Variants in CNTNAP5 observed in about 807,000 individuals in gnomAD.
CNTNAP5 encodes contactin associated protein family member 5, also known as contactin-associated protein-like 5.
In CNTNAP5, 72 loss-of-function variants were observed where a neutral mutation model predicts 150.2. The observed-to-expected ratio is 0.48, with a 90% CI of 0.40 to 0.58. The LOEUF (loss-of-function observed/expected upper bound fraction) is 0.58. Among genes scored for constraint, CNTNAP5 ranks in the 20% least tolerant of loss-of-function variants. The pLI is 0.00. For synonymous variants in CNTNAP5, 672 were observed against 619.8 expected (o/e 1.08, Z -1.25); for missense variants, 1,636 against 1,626.2 (o/e 1.01, Z -0.10).
In CNTNAP5 at chr2:124,263,971, T is replaced by C. The variant is rs543662928; in HGVS notation, c.381+21578T>C. Among the ~76,000 whole-genome samples, 8 of 152,322 alleles carry C rather than the reference T, an allele frequency of 5.3e-5. No individual in the cohort carries two copies. In the South Asian group the frequency reaches 1.4e-3, roughly 28 times the overall value. On this transcript the variant is annotated intron_variant, in intron 3 of 23. Transcript: ENST00000682447. Reference sequence around the variant, plus strand: ...TCTGATGGTTGTAGATGTGTGGTATTATTTCTGAGGGTTCTGTTCTGTTCC... The same window carrying C: ...TCTGATGGTTGTAGATGTGTGGTATCATTTCTGAGGGTTCTGTTCTGTTCC...
intron 13 of CNTNAP5, among the ~76,000 whole-genome samples, chr2:124,722,751 T>C (rs984664410): frequency 3.3e-5 from 5 of 152,188 alleles, no homozygotes; most frequent in African/African-American, 1.2e-4. Flanking sequence ...GCCTGTGTCC[T>C]CCAGGACAGT....
chr2:124,799,404 A>G (rs1681917922), intron 19 of CNTNAP5, among the ~76,000 whole-genome samples: 1 of 152,234 alleles, frequency 6.6e-6, no homozygotes, highest in South Asian at 2.1e-4. Flanking sequence ...ATTAGATCAA[A>G]AACTTATGGG....
At chr2:124,904,208 A>G (rs1053582203) in intron 22 of CNTNAP5, among the ~76,000 whole-genome samples, 1 of 152,042 alleles carries the variant, frequency 6.6e-6, no homozygotes, top group Non-Finnish European at 1.5e-5. Flanking sequence ...TAGATTCCAC[A>G]TATAAGTTAT....
At chr2:124,426,446 T>C (rs1409791384) in intron 4 of CNTNAP5, among the ~76,000 whole-genome samples, 1 of 152,176 alleles carries the variant, frequency 6.6e-6, no homozygotes, top group Non-Finnish European at 1.5e-5. Flanking sequence ...TGCAAGAGTA[T>C]GGTCTGAATA....
intron 13 of CNTNAP5, among the ~76,000 whole-genome samples, chr2:124,718,428 C>T (rs1679987190): frequency 1.3e-5 from 2 of 152,094 alleles, no homozygotes. Flanking sequence ...TTTATTTTTC[C>T]TATTTCTCTT....
chr2:124,292,501 T>G (rs1275648390), intron 3 of CNTNAP5, among the ~76,000 whole-genome samples: 1 of 152,174 alleles, frequency 6.6e-6, no homozygotes. Flanking sequence ...AAGAATATTT[T>G]GATAGAGCTC....
At chr2:124,686,489 G>T (rs1459342521) in intron 13 of CNTNAP5, among the ~76,000 whole-genome samples, 2 of 152,078 alleles carry the variant, frequency 1.3e-5, no homozygotes, top group Non-Finnish European at 2.9e-5. Context: ...ACCTATAGAA[G>T]AAAAGGACCT....
intron 6 of CNTNAP5, among the ~76,000 whole-genome samples, chr2:124,470,005 T>G (rs936312721): frequency 1.3e-5 from 2 of 152,204 alleles, no homozygotes; most frequent in Non-Finnish European, 2.9e-5. Flanking sequence ...TTCCATGTGT[T>G]TGCTATTGTG....
At chr2:124,471,490 T>A (rs1693514083) in intron 6 of CNTNAP5, among the ~76,000 whole-genome samples, 5 of 152,144 alleles carry the variant, frequency 3.3e-5, no homozygotes, top group Admixed American at 3.3e-4. Flanking sequence ...TTTCTAGATA[T>A]CGGATTATGT....
intron 1 of CNTNAP5, among the ~76,000 whole-genome samples, chr2:124,145,753 C>G (rs1205075619): frequency 3.5e-4 from 41 of 117,552 alleles, no homozygotes; most frequent in African/African-American, 1.1e-3. Flanking sequence ...ATGTAACTAA[C>G]CTGCACAATG....
intron 6 of CNTNAP5, among the ~76,000 whole-genome samples, chr2:124,448,934 C>T (rs367966407): frequency 2.6e-4 from 39 of 152,324 alleles, no homozygotes; most frequent in African/African-American, 7.2e-4. Context: ...CACACCAACA[C>T]GTACATACCT....
At chr2:124,773,195 G>A (rs1681244104) in intron 17 of CNTNAP5, among the ~76,000 whole-genome samples, 178 bp downstream of exon 17, 1 of 152,226 alleles carries the variant, frequency 6.6e-6, no homozygotes, top group Admixed American at 6.5e-5. Context: ...TGGCTACATC[G>A]AGTTAAGATA....
chr2:124,084,391 C>T (rs765316386), intron 1 of CNTNAP5, among the ~76,000 whole-genome samples: 2 of 151,930 alleles, frequency 1.3e-5, no homozygotes, highest in African/African-American at 4.8e-5. Flanking sequence ...CTCAGTCCCC[C>T]AAGTAGCTGG....
At chr2:124,899,552 T>C (rs1366881137) in intron 21 of CNTNAP5, among the ~76,000 whole-genome samples, 1 of 151,612 alleles carries the variant, frequency 6.6e-6, no homozygotes, top group Non-Finnish European at 1.5e-5. Context: ...ATGCCTTTGG[T>C]TTCTTAAGGC....
At chr2:124,495,628 C>T (rs975742800) in intron 7 of CNTNAP5, among the ~76,000 whole-genome samples, 6 of 152,212 alleles carry the variant, frequency 3.9e-5, no homozygotes, top group Admixed American at 3.3e-4. Context: ...GTGGATGTCT[C>T]TCAAATGAAA....
chr2:124,449,169 A>T (rs1254729918), intron 6 of CNTNAP5, among the ~76,000 whole-genome samples: 1 of 152,208 alleles, frequency 6.6e-6, no homozygotes, highest in African/African-American at 2.4e-5. Context: ...TCAAAAAGGA[A>T]TTTGTCACTC....
At chr2:124,808,868 C>T (rs1025384639) in intron 19 of CNTNAP5, among the ~76,000 whole-genome samples, 3 of 151,948 alleles carry the variant, frequency 2.0e-5, no homozygotes, top group East Asian at 3.9e-4. Flanking sequence ...AAGCTGAAGG[C>T]AAGGTGAAGA....
chr2:124,552,516 A>T (rs1334909265), intron 10 of CNTNAP5, among the ~76,000 whole-genome samples: 1 of 152,160 alleles, frequency 6.6e-6, no homozygotes, highest in African/African-American at 2.4e-5. Flanking sequence ...AATGTGCCTT[A>T]GGACAGCTTG....
At chr2:124,408,651 T>C (rs567440228) in intron 3 of CNTNAP5, among the ~76,000 whole-genome samples, 1 of 151,826 alleles carries the variant, frequency 6.6e-6, no homozygotes, top group Non-Finnish European at 1.5e-5. Flanking sequence ...GGCAGGGTAT[T>C]CCAACAGACC....
Sources: gnomAD v4.1 joint callset for allele counts (sites outside exome capture counted in the v4.1 genomes callset) on GRCh38, gnomAD v4.1.1 for gene constraint, MANE v1.5 for transcripts, NCBI Gene and HGNC (gene_info 2026-07-23, HGNC 2026-07-21) for gene names.